C14orf180: variants seen among roughly 807,000 people sequenced by gnomAD.
C14orf180 encodes nutritionally-regulated adipose and cardiac enriched protein homolog.
Under a neutral mutation model 13.9 loss-of-function variants are expected in C14orf180, and 13 were observed. That is an observed-to-expected ratio of 0.94 (90% CI 0.61 to 1.49). The LOEUF is 1.49. C14orf180 is among the 40% of genes most tolerant of loss of function. The pLI is 0.00. For synonymous variants in C14orf180, 113 were observed against 106.3 expected, an observed-to-expected ratio of 1.06 and a Z score of -0.39; for missense variants, 238 against 232.0, an observed-to-expected ratio of 1.03 and a Z score of -0.17.
At chr14:104,588,380 C>G in intron 4 of C14orf180, 71 bp downstream of exon 4, 3 of 1,580,348 alleles carry the variant, frequency 1.9e-6, no homozygotes, top group South Asian at 1.1e-5. Context: ...ACTCCCTCCC[C>G]GAGGGAGGTG....
chr14:104,585,750 C>G (rs112582775), intron 1 of C14orf180, among the ~76,000 whole-genome samples: 2 of 131,382 alleles, frequency 1.5e-5, no homozygotes, highest in Non-Finnish European at 1.5e-5. Context: ...AAGATAGAGA[C>G]AGAATCAGAG....
chr14:104,585,428 G>A (rs1252297171), intron 1 of C14orf180, among the ~76,000 whole-genome samples: 2 of 152,220 alleles, frequency 1.3e-5, no homozygotes, highest in Non-Finnish European at 1.5e-5. Flanking sequence ...CTGTAGGGAG[G>A]AGTGCCCAAA....
In C14orf180 at chr14:104,587,865, G is replaced by A. The variant is rs144894622; in HGVS notation, c.228G>A (p.Ala76=). The part of the protein sequence containing the change: ...SRRVWFREPP[A]VTVHYIADKN... ...GCGTGTGGTTCCGAGAACCCCCAGCGGTGACCGTCCACTGTAAGAGGGCAC... is the reference window on the plus strand; with the variant it reads ...GCGTGTGGTTCCGAGAACCCCCAGCAGTGACCGTCCACTGTAAGAGGGCAC... The change falls in exon 3 of 5, where the codon GCG becomes GCA. Residue 76 remains alanine, a synonymous_variant. Coordinates refer to ENST00000557649, the MANE Select transcript of C14orf180 (RefSeq NM_001008404.3). The A allele has an allele frequency of 9.5e-4, 1,522 of 1,608,242 alleles. 2 individuals are homozygous for A. The highest frequency in any genetic ancestry group is 1.0e-3 in the Non-Finnish European group (1,184 of 1,177,706).
At chr14:104,587,508 G>A (rs1886668813) in intron 2 of C14orf180, among the ~76,000 whole-genome samples, 1 of 152,166 alleles carries the variant, frequency 6.6e-6, no homozygotes, top group African/African-American at 2.4e-5. Flanking sequence ...CTTGCGTGAA[G>A]AGACGGGGTC....
intron 1 of C14orf180, among the ~76,000 whole-genome samples, chr14:104,582,987 G>A (rs766559518): frequency 4.3e-4 from 66 of 151,958 alleles, no homozygotes; most frequent in Non-Finnish European, 7.4e-4. Flanking sequence ...CCACTTACCC[G>A]AGGTCACAGA....
Position 104,586,302 on chromosome 14 carries a change from A to G in C14orf180, c.-16-113A>G, listed in dbSNP as rs1163911838. On this transcript the variant is annotated intron_variant, in intron 1 of 4. Transcript: ENST00000557649. ...TCTGCTCAACAGCGTGGCCGGTCGCAAGCCCGGGAAGCCAGCCTGGCTTCC... is the reference window on the plus strand; with the variant it reads ...TCTGCTCAACAGCGTGGCCGGTCGCGAGCCCGGGAAGCCAGCCTGGCTTCC... 6 of 660,184 alleles carry G rather than the reference A, an allele frequency of 9.1e-6. No homozygotes were observed. The East Asian group carries it at 1.9e-4, about 21-fold the overall frequency. The allele number at this position is 660,184 out of a possible 1,614,324, so 40.9% of individuals were successfully genotyped here.
chr14:104,587,212 A>T (rs1343822535), intron 2 of C14orf180, among the ~76,000 whole-genome samples: 2 of 152,126 alleles, frequency 1.3e-5, no homozygotes, highest in Non-Finnish European at 2.9e-5. Flanking sequence ...GGGCCCATAC[A>T]CGTGAGCAGA....
chr14:104,586,522 G>A lies in C14orf180; in HGVS notation c.92G>A (p.Arg31Gln), dbSNP rs373014319. Residue 31 changes from arginine to glutamine, a missense_variant, in exon 2 of 5, where the codon CGG becomes CAG. Coordinates refer to ENST00000557649, the MANE Select transcript of C14orf180 (RefSeq NM_001008404.3). ...AATGAGGAGGCCGCGTGGGGCCCGC[G>A]GGTGTGCAGGGCAGAGAGGGTAAGG... ...RKNEEAAWGPRVCRAEREDNR... is the reference protein window; with the variant it reads ...RKNEEAAWGPQVCRAEREDNR... 64 of 1,544,048 alleles carry A rather than the reference G, an allele frequency of 4.1e-5. No individual in the cohort carries two copies. The highest frequency in any genetic ancestry group is 2.2e-4 in the Middle Eastern group (1 of 4,646).
chr14:104,587,393 C>CCCCTCTGCCAT (rs1238592102), intron 2 of C14orf180, among the ~76,000 whole-genome samples: 1 of 152,154 alleles, frequency 6.6e-6, no homozygotes, highest in Non-Finnish European at 1.5e-5. Flanking sequence ...TTAGCCAGAG[C>CCCCTCTGCCAT]CCCTCTGCCA....
chr14:104,581,498 T>C (rs58360845), intron 1 of C14orf180: 5,433 of 152,078 alleles, frequency 0.036, 330 homozygotes, highest in African/African-American at 0.12. Context: ...AATGGAAACT[T>C]CTCAGCTGGT....
rs1458537900 is a variant in C14orf180 at position 104,588,797 on chromosome 14, CAGGACG to C, written c.*15_*20del. On this transcript the variant is annotated 3_prime_UTR_variant, in exon 5 of 5. Transcript: ENST00000557649. ...CTGCGGCTCTGACGGGCAGGACGGG[CAGGACG>C]GGCAGGGCTTCCAGGAGAGCTCAAG... is the stretch of plus-strand genomic sequence containing the variant. 7 of 1,531,450 alleles carry C rather than the reference CAGGACG, an allele frequency of 4.6e-6. No homozygotes were observed. In the African/African-American group the frequency reaches 8.2e-5, roughly 18 times the overall value. The allele number at this position is 1,531,450 out of a possible 1,614,324, so 94.9% of individuals were successfully genotyped here.
chr14:104,584,219 C>T (rs925141354), intron 1 of C14orf180, among the ~76,000 whole-genome samples: 4 of 152,212 alleles, frequency 2.6e-5, no homozygotes, highest in Non-Finnish European at 4.4e-5. Flanking sequence ...CCTGGCTGGG[C>T]CCCCTGGAAT....
intron 1 of C14orf180, among the ~76,000 whole-genome samples, chr14:104,585,932 G>A (rs1886603879): frequency 1.3e-5 from 2 of 152,172 alleles, no homozygotes; most frequent in Admixed American, 6.5e-5. Flanking sequence ...ATGACCCTCT[G>A]GGAAGCCTTT....
At chr14:104,581,920 G>A (rs959114126) in intron 1 of C14orf180, among the ~76,000 whole-genome samples, 2 of 152,170 alleles carry the variant, frequency 1.3e-5, no homozygotes, top group Non-Finnish European at 2.9e-5. Context: ...GGCGAGGGGT[G>A]AGCCGGGAGT....
intron 1 of C14orf180, among the ~76,000 whole-genome samples, chr14:104,582,185 G>C (rs1596285976): frequency 6.6e-6 from 1 of 152,318 alleles, no homozygotes; most frequent in African/African-American, 2.4e-5. Flanking sequence ...GCAGCAGCCT[G>C]GGAGGAGGCG....
chr14:104,589,035 TAGAA>T lies in C14orf180; in HGVS notation c.*256_*259del, dbSNP rs893114958. 1 of 712,262 alleles carries T rather than the reference TAGAA, an allele frequency of 1.4e-6. No homozygotes were observed. The allele number at this position is 712,262 out of a possible 1,614,324, so 44.1% of individuals were successfully genotyped here. A position where few individuals can be genotyped will look rare whatever the true frequency, so the allele number is the denominator to read the frequency against. The stretch of plus-strand genomic sequence containing the variant: ...GTGTTGGGTCCATGTGAGATTTTAT[TAGAA>T]AGAGGATTCGACTGCTAACAGTTGA... On this transcript the variant is annotated 3_prime_UTR_variant, in exon 5 of 5. Transcript: ENST00000557649. The surrounding 1 kb of genome is among the most constrained non-coding windows in gnomAD (Gnocchi z 4.9).
intron 1 of C14orf180, among the ~76,000 whole-genome samples, chr14:104,583,643 C>T (rs922779345): frequency 2.0e-5 from 3 of 152,138 alleles, no homozygotes; most frequent in East Asian, 1.9e-4. Flanking sequence ...GTCCACATTC[C>T]GGCAGAACTC....
intron 1 of C14orf180, among the ~76,000 whole-genome samples, 192 bp from the exon 2 acceptor site, chr14:104,586,223 C>T (rs560900581): frequency 6.6e-6 from 1 of 152,076 alleles, no homozygotes; most frequent in Non-Finnish European, 1.5e-5. Flanking sequence ...CATTTCTGAA[C>T]GAGCAGGGAA....
Position 104,588,765 on chromosome 14 carries a change from CG to C in C14orf180, c.467del (p.Gly156AlafsTer50). The C allele has an allele frequency of 6.5e-7, 1 of 1,527,184 alleles. No homozygotes were observed. The highest frequency in any genetic ancestry group is 8.7e-7 in the Non-Finnish European group (1 of 1,145,204). 94.6% of individuals were successfully genotyped at this position (1,527,184 alleles called of 1,614,324 possible). On this transcript the variant is annotated frameshift_variant, in exon 5 of 5. Transcript: ENST00000557649. LOFTEE classifies it high-confidence loss of function. ...GGCACGTGGCCCTCACCTGCTGGCG[CG>C]GCCTCCTGCGGCTCTGACGGGCAGG... ...LRHVALTCWR[G>X]LLRL is the part of the protein sequence containing the mutation.
Sources: allele counts gnomAD v4.1 joint callset (sites outside exome capture counted in the v4.1 genomes callset), GRCh38; gene constraint gnomAD v4.1.1; non-coding constraint Gnocchi (gnomAD v3.1); transcripts MANE v1.5; gene names NCBI Gene and HGNC (gene_info 2026-07-23, HGNC 2026-07-21).